Variants in TBXAS1 observed in about 807,000 individuals in gnomAD.
TBXAS1 encodes the protein thromboxane A synthase 1, also known as thromboxane-A synthase.
A neutral mutation model predicts 60.7 loss-of-function variants in TBXAS1; 48 were observed. That is an observed-to-expected ratio of 0.79 (90% CI 0.63 to 1.01). TBXAS1 has a LOEUF of 1.01. Among genes scored for constraint, TBXAS1 ranks in the 50% least tolerant of loss-of-function variants. The pLI, the probability that TBXAS1 is intolerant of heterozygous loss-of-function variation, is 0.00. For missense variants in TBXAS1, 685 were observed against 686.3 expected (o/e 1.00, Z 0.02); for synonymous variants, 287 against 269.7 (o/e 1.06, Z -0.63).
intron 4 of TBXAS1, among the ~76,000 whole-genome samples, chr7:139,792,650 G>C (rs983238730): frequency 6.6e-6 from 1 of 152,196 alleles, no homozygotes; most frequent in African/African-American, 2.4e-5. Context: ...GCAGGGATGA[G>C]GGCAGGGACA....
rs144867060 is a variant in TBXAS1 at position 139,962,840 on chromosome 7, T to A, written c.1134+607T>A. The A allele has an allele frequency of 4.5e-3, 694 of 154,960 alleles. 8 individuals are homozygous for A. The highest frequency in any genetic ancestry group is 5.2e-3 in the South Asian group (26 of 5,002). The allele number at this position is 154,960 out of a possible 1,614,324, so 9.6% of individuals were successfully genotyped here. A position where few individuals can be genotyped will look rare whatever the true frequency, so the allele number is the denominator to read the frequency against. On this transcript the variant is annotated intron_variant, in intron 9 of 12. Coordinates refer to ENST00000448866, the MANE Select transcript of TBXAS1 (RefSeq NM_001061.7). Reference sequence around the variant, plus strand: ...GCAAGGCTACTTTATCACCTCATTTTTTCTTCTAGATGCTTGTGTGTGTAT... The same window carrying A: ...GCAAGGCTACTTTATCACCTCATTTATTCTTCTAGATGCTTGTGTGTGTAT...
At chr7:139,950,693 C>T (rs1809155085) in intron 5 of TBXAS1, among the ~76,000 whole-genome samples, 3 of 147,558 alleles carry the variant, frequency 2.0e-5, no homozygotes, top group Non-Finnish European at 3.1e-5. Flanking sequence ...CCCTCGCCCT[C>T]CATCTACGGG....
At chr7:139,871,818 T>C (rs1437936116) in intron 1 of TBXAS1, among the ~76,000 whole-genome samples, 4 of 152,216 alleles carry the variant, frequency 2.6e-5, no homozygotes, top group African/African-American at 9.7e-5. Context: ...ATACACACAT[T>C]TGCACAGGGA....
intron 9 of TBXAS1, among the ~76,000 whole-genome samples, chr7:139,974,762 C>T (rs1811449378): frequency 6.6e-6 from 1 of 152,200 alleles, no homozygotes; most frequent in Non-Finnish European, 1.5e-5. Flanking sequence ...AAAGGTTGGA[C>T]TAGACCTCTT....
At chr7:139,890,262 C>A (rs1477894555) in intron 3 of TBXAS1, among the ~76,000 whole-genome samples, 1 of 120,774 alleles carries the variant, frequency 8.3e-6, no homozygotes, top group Non-Finnish European at 1.6e-5. Flanking sequence ...GTCGCCCAGG[C>A]TGGAGTGCTG....
chr7:139,806,510 G>C (rs192825497), intron 4 of TBXAS1, among the ~76,000 whole-genome samples: 4 of 151,744 alleles, frequency 2.6e-5, no homozygotes, highest in Admixed American at 6.6e-5. Flanking sequence ...TGACCCAGCC[G>C]TCTTGGCCTC....
At chr7:139,857,822 C>T (rs1477613181) in intron 1 of TBXAS1, among the ~76,000 whole-genome samples, 1 of 151,610 alleles carries the variant, frequency 6.6e-6, no homozygotes, top group Non-Finnish European at 1.5e-5. Context: ...CCTCTAATTC[C>T]TGGGCTCAAG....
At chr7:139,910,566 G>A (rs536860519) in intron 3 of TBXAS1, among the ~76,000 whole-genome samples, 1 of 152,324 alleles carries the variant, frequency 6.6e-6, no homozygotes, top group Admixed American at 6.5e-5. Context: ...GAACCCGGGA[G>A]GGGGAGGTTG....
intron 9 of TBXAS1, among the ~76,000 whole-genome samples, chr7:139,982,283 T>C (rs1161033816): frequency 6.6e-6 from 1 of 152,228 alleles, no homozygotes; most frequent in Non-Finnish European, 1.5e-5. Flanking sequence ...TCATAAGCAG[T>C]TTAACCTCTC....
intron 4 of TBXAS1, among the ~76,000 whole-genome samples, chr7:139,915,350 C>T (rs1433956699): frequency 6.6e-6 from 1 of 152,192 alleles, no homozygotes; most frequent in Non-Finnish European, 1.5e-5. Flanking sequence ...TCTAATAGGC[C>T]ATGTTTACTT....
intron 10 of TBXAS1, among the ~76,000 whole-genome samples, chr7:140,007,811 A>C (rs907187115): frequency 1.3e-5 from 2 of 152,138 alleles, no homozygotes; most frequent in Admixed American, 6.5e-5. Context: ...TATACACTTC[A>C]TGTTATATTC....
intron 5 of TBXAS1, among the ~76,000 whole-genome samples, chr7:139,936,804 G>A (rs1301800543): frequency 1.3e-5 from 2 of 152,192 alleles, no homozygotes; most frequent in Admixed American, 1.3e-4. Flanking sequence ...ATGAAACAAA[G>A]GTGACCTACC....
intron 10 of TBXAS1, among the ~76,000 whole-genome samples, chr7:140,009,618 CGCCCCACACCT>C (rs1457629795): frequency 8.1e-6 from 1 of 123,944 alleles, no homozygotes; most frequent in Non-Finnish European, 1.7e-5. Flanking sequence ...GCCCCACACC[CGCCCCACACCT>C]GCCCCACACC....
intron 9 of TBXAS1, among the ~76,000 whole-genome samples, chr7:139,985,241 A>G (rs1322282050): frequency 6.6e-6 from 1 of 152,218 alleles, no homozygotes; most frequent in African/African-American, 2.4e-5. Flanking sequence ...GTTGAAGGCT[A>G]TGTCCCTCTG....
chr7:139,848,543 G>A (rs1490731304), intron 1 of TBXAS1, among the ~76,000 whole-genome samples: 1 of 152,180 alleles, frequency 6.6e-6, no homozygotes. Flanking sequence ...GTTCACTGGA[G>A]TAGCTCTGTT....
chr7:140,013,331 G>A lies in TBXAS1; in HGVS notation c.1227-2392G>A, dbSNP rs1432945943. Among the ~76,000 whole-genome samples, 2 of 152,100 alleles carry A rather than the reference G, an allele frequency of 1.3e-5. No homozygotes were observed. The highest frequency in any genetic ancestry group is 2.4e-5 in the African/African-American group (1 of 41,408). On this transcript the variant is annotated intron_variant, in intron 10 of 12. Transcript: ENST00000448866. The surrounding 1 kb of genome is among the most constrained non-coding windows in gnomAD (Gnocchi z 4.2). ...CTTGGTTCAGAGGTTTATCTTCCTC[G>A]GCAAGAATTTTCTGGAGCAGAGAGG...
intron 4 of TBXAS1, among the ~76,000 whole-genome samples, chr7:139,802,301 A>G (rs898083192): frequency 2.0e-5 from 3 of 152,210 alleles, no homozygotes; most frequent in African/African-American, 7.2e-5. Context: ...GTTACAGAAT[A>G]GTTGCATAGG....
At chr7:139,783,966 C>T (rs1312440862) in intron 3 of TBXAS1, among the ~76,000 whole-genome samples, 1 of 151,768 alleles carries the variant, frequency 6.6e-6, no homozygotes, top group African/African-American at 2.4e-5. Flanking sequence ...TGAATCACTC[C>T]CCTCCCTTCA....
chr7:140,016,532 G>A (rs1035770850), intron 11 of TBXAS1: 4 of 198,692 alleles, frequency 2.0e-5, no homozygotes, highest in Middle Eastern at 4.7e-4. Context: ...GGAAAGTAAC[G>A]GAACATCATT....
Sources: allele counts gnomAD v4.1 joint callset (sites outside exome capture counted in the v4.1 genomes callset), GRCh38; gene constraint gnomAD v4.1.1; non-coding constraint Gnocchi (gnomAD v3.1); transcripts MANE v1.5; gene names NCBI Gene and HGNC (gene_info 2026-07-23, HGNC 2026-07-21).